OIT3: variants seen among roughly 807,000 people sequenced by gnomAD.
The protein encoded by OIT3 is oncoprotein induced transcript 3.
OIT3 carries 41 observed loss-of-function variants against 52.2 expected under a neutral mutation model. The ratio of observed to expected loss-of-function variants is 0.79; its 90% CI spans 0.61 to 1.02. The LOEUF is 1.02. Among genes scored for constraint, OIT3 ranks in the 50% least tolerant of loss-of-function variants. The pLI is 0.00. For synonymous variants in OIT3, 244 were observed against 276.9 expected, an observed-to-expected ratio of 0.88 and a Z score of 1.18; for missense variants, 634 against 715.5, an observed-to-expected ratio of 0.89 and a Z score of 1.30.
At chr10:72,927,009 G>GT (rs1454520922) in intron 7 of OIT3, among the ~76,000 whole-genome samples, 4 of 151,920 alleles carry the variant, frequency 2.6e-5, no homozygotes, top group Non-Finnish European at 5.9e-5. Flanking sequence ...CTTATATTTA[G>GT]TTTTTGAAAA....
Position 72,898,702 on chromosome 10 carries a change from C to A in OIT3, c.100C>A (p.Pro34Thr). 1 of 1,613,776 alleles carries A rather than the reference C, an allele frequency of 6.2e-7. No homozygotes were observed. The highest frequency in any genetic ancestry group is 8.5e-7 in the Non-Finnish European group (1 of 1,179,702). Residue 34 changes from proline to threonine, a missense_variant, in exon 2 of 9, where the codon CCC becomes ACC. Pro to Thr is a conservative substitution (Grantham distance 38). Transcript: ENST00000334011. The part of the protein sequence containing the change: ...PCSAYISLNE[P>T]WRNTDHQLDE... Reference sequence around the variant, plus strand: ...TTCTGCTTACATCAGCCTGAATGAGCCCTGGAGGAACACTGACCACCAGTT... The same window carrying A: ...TTCTGCTTACATCAGCCTGAATGAGACCTGGAGGAACACTGACCACCAGTT...
At chr10:72,931,897 C>G (rs944696742) in intron 8 of OIT3, among the ~76,000 whole-genome samples, 3 of 152,192 alleles carry the variant, frequency 2.0e-5, no homozygotes, top group African/African-American at 7.2e-5. Context: ...GATGGCTGAT[C>G]CTGATTGCCC....
chr10:72,914,572 A>G lies in OIT3; in HGVS notation c.951+1104A>G, dbSNP rs1032507955. Reference sequence around the variant, plus strand: ...GTGGATAATCAAATGGACATGCCACATGGTAGGTTGGTACTATTGTCCCAT... The same window carrying G: ...GTGGATAATCAAATGGACATGCCACGTGGTAGGTTGGTACTATTGTCCCAT... On this transcript the variant is annotated intron_variant, in intron 6 of 8. Coordinates refer to ENST00000334011, the MANE Select transcript of OIT3 (RefSeq NM_152635.3). 3.9e-5 allele frequency among the ~76,000 whole-genome samples: 6 copies of G among 152,202 alleles called. No individual in the cohort carries two copies. In the East Asian group the frequency reaches 7.7e-4, roughly 20 times the overall value.
intron 7 of OIT3, among the ~76,000 whole-genome samples, chr10:72,929,589 T>G (rs77664034): frequency 6.6e-6 from 1 of 151,734 alleles, no homozygotes; most frequent in African/African-American, 2.4e-5. Context: ...TTTTTTTTTT[T>G]AGAGACAAGG....
chr10:72,898,868 A>G lies in OIT3; in HGVS notation c.266A>G (p.Asn89Ser), dbSNP rs376020317. Residue 89 changes from asparagine (N) to serine (S), a missense_variant, in exon 2 of 9, where the codon AAT becomes AGT. Asn to Ser is a conservative substitution (Grantham distance 46). Coordinates refer to ENST00000334011, the MANE Select transcript of OIT3 (RefSeq NM_152635.3). The part of the protein sequence containing the change: ...HCGTHAPVWL[N>S]GSHPLEGDGI... ...GGAACCCACGCACCTGTCTGGCTCA[A>G]TGGCAGCCACCCCCTAGAAGGCGAC... 9.3e-6 allele frequency: 15 copies of G among 1,614,052 alleles called. No homozygotes were observed. Among genetic ancestry groups the G allele is most frequent in the Admixed American group, 6.7e-5 (4 of 60,004 alleles).
chr10:72,899,162 G>A (rs1360655583), intron 2 of OIT3, 124 bp downstream of exon 2: 6 of 807,810 alleles, frequency 7.4e-6, no homozygotes, highest in Non-Finnish European at 1.2e-5. Flanking sequence ...CATTGATGTG[G>A]GGCTAAAGAT....
chr10:72,922,956 A>C (rs1162445530), intron 6 of OIT3, among the ~76,000 whole-genome samples: 1 of 151,886 alleles, frequency 6.6e-6, no homozygotes, highest in Non-Finnish European at 1.5e-5. Context: ...GCTCACTGCA[A>C]CCTTTGTCTC....
At chr10:72,912,330 A>G (rs1004675287) in intron 5 of OIT3, among the ~76,000 whole-genome samples, 2 of 133,484 alleles carry the variant, frequency 1.5e-5, no homozygotes, top group African/African-American at 3.0e-5. Flanking sequence ...GTGTGAAGTG[A>G]TGTGATCTCA....
chr10:72,913,031 G>A (rs890123564), intron 5 of OIT3, among the ~76,000 whole-genome samples: 3 of 152,186 alleles, frequency 2.0e-5, no homozygotes, highest in African/African-American at 7.2e-5. Context: ...AGTTCACAGA[G>A]TTATGCTGTC....
chr10:72,906,820 C>A (rs891347036), intron 4 of OIT3, 102 bp downstream of exon 4: 33 of 1,135,178 alleles, frequency 2.9e-5, no homozygotes, highest in Admixed American at 2.7e-5. Flanking sequence ...AGAGAGCAAC[C>A]GTTTGGCTGT....
At chr10:72,926,351 A>C (rs909017186) in intron 7 of OIT3, among the ~76,000 whole-genome samples, 2 of 152,208 alleles carry the variant, frequency 1.3e-5, no homozygotes, top group African/African-American at 4.8e-5. Flanking sequence ...TTTTTAACAA[A>C]TAGCAATGCC....
At position 72,913,555 on chromosome 10, in the gene OIT3, G is replaced by A. The variant is rs112266957; in HGVS notation, c.951+87G>A. 16 of 1,046,032 alleles carry A rather than the reference G, an allele frequency of 1.5e-5. No homozygotes were observed. In the African/African-American group the frequency reaches 2.5e-4, roughly 16 times the overall value. 64.8% of individuals were successfully genotyped at this position (1,046,032 alleles called of 1,614,324 possible). On this transcript the variant is annotated intron_variant, in intron 6 of 8. Transcript: ENST00000334011. ...GACAGAGGTATGCCATGTGGCTTGT[G>A]TCATCGATGAGATATTTACACACAA...
At chr10:72,895,827 T>C (rs1348259027) in intron 1 of OIT3, among the ~76,000 whole-genome samples, 1 of 152,184 alleles carries the variant, frequency 6.6e-6, no homozygotes, top group Non-Finnish European at 1.5e-5. Flanking sequence ...CAGGAAGCTG[T>C]TCTTTTTGAA....
chr10:72,923,457 A>G (rs1036254297), intron 6 of OIT3, among the ~76,000 whole-genome samples: 3 of 152,204 alleles, frequency 2.0e-5, no homozygotes, highest in African/African-American at 7.2e-5. Context: ...GGAACTGCTT[A>G]AAGAAGCAGT....
At position 72,895,456 on chromosome 10, in the gene OIT3, T is replaced by G. The variant is rs1252089337; in HGVS notation, c.61+1597T>G. 2.0e-5 allele frequency among the ~76,000 whole-genome samples: 3 copies of G among 152,212 alleles called. No homozygotes were observed. The South Asian group carries it at 6.2e-4, about 32-fold the overall frequency. ...CAGAAGCATGATAAAGGGGGAACTT[T>G]GGGAACTAGAGCTGGTGTTTGCCCT... On this transcript the variant is annotated intron_variant, in intron 1 of 8. Coordinates refer to ENST00000334011, the MANE Select transcript of OIT3 (RefSeq NM_152635.3).
chr10:72,908,345 G>A (rs1482718103), intron 4 of OIT3, among the ~76,000 whole-genome samples: 1 of 152,110 alleles, frequency 6.6e-6, no homozygotes, highest in East Asian at 1.9e-4. Flanking sequence ...ATTTACAGAG[G>A]ACATATATTT....
intron 1 of OIT3, among the ~76,000 whole-genome samples, chr10:72,898,020 T>G (rs368662459): frequency 5.9e-4 from 90 of 151,818 alleles, no homozygotes; most frequent in African/African-American, 2.1e-3. Flanking sequence ...ACCAGATTCA[T>G]GCCTGTAATC....
intron 7 of OIT3, among the ~76,000 whole-genome samples, chr10:72,926,156 T>A (rs940576398): frequency 6.6e-6 from 1 of 152,200 alleles, no homozygotes; most frequent in South Asian, 2.1e-4. Context: ...GGGAGAATGG[T>A]CCAGTACGAG....
At chr10:72,928,473 T>G (rs911198021) in intron 7 of OIT3, among the ~76,000 whole-genome samples, 1 of 152,224 alleles carries the variant, frequency 6.6e-6, no homozygotes, top group Non-Finnish European at 1.5e-5. Context: ...CTGCTTCATT[T>G]TTTCTTTTAA....
Sources: gnomAD v4.1 joint callset for allele counts (sites outside exome capture counted in the v4.1 genomes callset) on GRCh38, gnomAD v4.1.1 for gene constraint, MANE v1.5 for transcripts, NCBI Gene and HGNC (gene_info 2026-07-23, HGNC 2026-07-21) for gene names.